Variants in SMCO2 observed in about 807,000 individuals in gnomAD.
SMCO2 encodes the protein single-pass membrane protein with coiled-coil domains 2.
A neutral mutation model predicts 29.5 loss-of-function variants in SMCO2; 25 were observed. That is an observed-to-expected ratio of 0.85 (90% confidence interval 0.62 to 1.18). The LOEUF (loss-of-function observed/expected upper bound fraction) is 1.18, where lower values mean the gene tolerates loss of function less well. Ranked by LOEUF, SMCO2 falls within the 50% of genes most tolerant of loss-of-function variation. SMCO2 has a pLI of 0.00. For missense variants in SMCO2, 348 were observed against 344.5 expected (o/e 1.01, Z -0.08); for synonymous variants, 117 against 123.3 (o/e 0.95, Z 0.34).
the SMCO2 span, among the ~76,000 whole-genome samples, chr12:27,432,979 A>T: frequency 6.6e-6 from 1 of 152,180 alleles, no homozygotes; most frequent in Non-Finnish European, 1.5e-5. Context: ...ATTTGTATGA[A>T]ATAGTATTAT....
chr12:27,486,072 A>G (rs556123243), intron 4 of SMCO2, among the ~76,000 whole-genome samples: 9 of 152,188 alleles, frequency 5.9e-5, no homozygotes, highest in Non-Finnish European at 1.3e-4. Flanking sequence ...CACTCTGGCA[A>G]TTATTCTCAG....
intron 1 of SMCO2, among the ~76,000 whole-genome samples, chr12:27,468,900 A>C (rs533996112): frequency 6.6e-6 from 1 of 152,278 alleles, no homozygotes; most frequent in Non-Finnish European, 1.5e-5. Flanking sequence ...GTACTTTGTA[A>C]TCTGTTAGGG....
the SMCO2 span, among the ~76,000 whole-genome samples, chr12:27,425,887 A>C: frequency 2.0e-5 from 3 of 152,110 alleles, no homozygotes; most frequent in Non-Finnish European, 4.4e-5. Context: ...TTGGCATCTG[A>C]CATCTTTTCC....
At chr12:27,487,783 G>T in intron 4 of SMCO2, among the ~76,000 whole-genome samples, 1 of 145,562 alleles carries the variant, frequency 6.9e-6, no homozygotes, top group Non-Finnish European at 1.5e-5. Context: ...ATTGTGACAA[G>T]TATGTAGTGA....
the SMCO2 span, among the ~76,000 whole-genome samples, chr12:27,458,970 G>A: frequency 6.0e-5 from 9 of 151,052 alleles, no homozygotes; most frequent in South Asian, 1.9e-3. Context: ...GGCAGATCAC[G>A]ATGTCAGAAG....
chr12:27,441,874 C>T, the SMCO2 span, among the ~76,000 whole-genome samples: 1 of 152,188 alleles, frequency 6.6e-6, no homozygotes, highest in East Asian at 1.9e-4. Flanking sequence ...CTTCTCTGAC[C>T]GCAATGGAAT....
intron 7 of SMCO2, chr12:27,497,890 A>G (rs1592220925): frequency 2.9e-6 from 1 of 349,044 alleles, no homozygotes; most frequent in South Asian, 3.2e-5. Context: ...CTGCTGCTCA[A>G]AAGATTGGTT....
At chr12:27,460,459 A>G in the SMCO2 span, among the ~76,000 whole-genome samples, 5 of 152,206 alleles carry the variant, frequency 3.3e-5, no homozygotes, top group African/African-American at 1.2e-4. Flanking sequence ...TAAGCTAGTG[A>G]AAAGAAAATG....
At chr12:27,438,917 A>G in the SMCO2 span, among the ~76,000 whole-genome samples, 1 of 151,960 alleles carries the variant, frequency 6.6e-6, no homozygotes. Flanking sequence ...TAGGAGAACC[A>G]GACTTCTGCA....
chr12:27,502,174 G>A, exon 8 of SMCO2: 1 of 1,376,968 alleles, frequency 7.3e-7, no homozygotes. Flanking sequence ...AAACATTGTG[G>A]CTGTTCCTGT....
At chr12:27,435,627 G>T in the SMCO2 span, among the ~76,000 whole-genome samples, 1 of 145,692 alleles carries the variant, frequency 6.9e-6, no homozygotes, top group Non-Finnish European at 1.5e-5. Context: ...TCCCTACCCA[G>T]ACTGGTCCAA....
the SMCO2 span, among the ~76,000 whole-genome samples, chr12:27,444,281 C>T: frequency 6.6e-6 from 1 of 152,148 alleles, no homozygotes; most frequent in Non-Finnish European, 1.5e-5. Context: ...GCTGGGGAAA[C>T]TGGATAACTA....
At chr12:27,426,724 C>G in the SMCO2 span, among the ~76,000 whole-genome samples, 1 of 152,078 alleles carries the variant, frequency 6.6e-6, no homozygotes, top group African/African-American at 2.4e-5. Flanking sequence ...AGTAGTACAA[C>G]AGTAATTTAA....
At chr12:27,444,269 G>A in the SMCO2 span, among the ~76,000 whole-genome samples, 20 of 152,172 alleles carry the variant, frequency 1.3e-4, no homozygotes, top group African/African-American at 4.6e-4. Context: ...CCAATAAATG[G>A]TGCTGGGGAA....
chr12:27,472,851 C>T, exon 3 of SMCO2: 1 of 1,550,552 alleles, frequency 6.4e-7, no homozygotes. Context: ...CCTCCGAAAA[C>T]CCTCAAACTG....
intron 5 of SMCO2, among the ~76,000 whole-genome samples, chr12:27,488,761 G>A (rs1480628042): frequency 6.6e-6 from 1 of 152,026 alleles, no homozygotes; most frequent in African/African-American, 2.4e-5. Context: ...CTAGAAACTC[G>A]GCTACCACGA....
chr12:27,464,671 T>A (rs112760193), upstream of SMCO2, among the ~76,000 whole-genome samples: 2,407 of 139,520 alleles, frequency 0.017, 68 homozygotes, highest in African/African-American at 0.063. Flanking sequence ...GAGCAGTGAT[T>A]GTGCCACTGA....
At chr12:27,456,334 C>G in the SMCO2 span, among the ~76,000 whole-genome samples, 1 of 152,218 alleles carries the variant, frequency 6.6e-6, no homozygotes, top group Admixed American at 6.5e-5. Context: ...ATAGTGATAC[C>G]TCTGGGGTGA....
At chr12:27,477,797 T>G (rs780254689) in intron 4 of SMCO2, among the ~76,000 whole-genome samples, 3 of 152,248 alleles carry the variant, frequency 2.0e-5, no homozygotes, top group Middle Eastern at 3.4e-3. Flanking sequence ...TGACTCAGAT[T>G]ATGAATTGTT....
Sources: gnomAD v4.1 joint callset for allele counts (sites outside exome capture counted in the v4.1 genomes callset) on GRCh38, gnomAD v4.1.1 for gene constraint, MANE v1.5 for transcripts, NCBI Gene and HGNC (gene_info 2026-07-23, HGNC 2026-07-21) for gene names.